USP15: variants seen among roughly 807,000 people sequenced by gnomAD.
USP15 encodes ubiquitin specific peptidase 15.
A neutral mutation model predicts 127.1 loss-of-function variants in USP15; 18 were observed. The observed-to-expected ratio is 0.14, with a 90% CI of 0.10 to 0.21. The LOEUF (loss-of-function observed/expected upper bound fraction) is 0.21, where lower values mean the gene tolerates loss of function less well. USP15 is among the 10% of genes least tolerant of loss of function. The probability of loss-of-function intolerance (pLI) is 1.00; values close to 1 mark genes in which losing one functional copy is unlikely to be tolerated. For synonymous variants in USP15, 364 were observed against 393.7 expected (o/e 0.92, Z 0.89); for missense variants, 805 against 1,159.9 (o/e 0.69, Z 4.44).
chr12:62,284,791 C>T (rs570040567), intron 1 of USP15, among the ~76,000 whole-genome samples: 48 of 152,032 alleles, frequency 3.2e-4, no homozygotes, highest in African/African-American at 9.6e-4. Context: ...AGCAGGCATA[C>T]TGTAGTCAGA....
Position 62,275,368 on chromosome 12 carries a change from TA to T in USP15, c.89+14873del, listed in dbSNP as rs544566049. Among the ~76,000 whole-genome samples the T allele has an allele frequency of 1.7e-3, 256 of 146,396 alleles. 1 individual carries two copies. The highest frequency in any genetic ancestry group is 6.2e-3 in the African/African-American group (248 of 39,764). On this transcript the variant is annotated intron_variant, in intron 1 of 21. Transcript: ENST00000280377. Reference sequence around the variant, plus strand: ...TACATTTAAGCAAAAGAGAAGGTTGTAAAAAAAATTGGGAGGAGTATCACCC... The same window carrying T: ...TACATTTAAGCAAAAGAGAAGGTTGTAAAAAAATTGGGAGGAGTATCACCC...
chr12:62,325,512 C>T (rs2065101075), intron 5 of USP15, among the ~76,000 whole-genome samples: 2 of 152,062 alleles, frequency 1.3e-5, no homozygotes, highest in Admixed American at 6.6e-5. Flanking sequence ...CTGTTATTTA[C>T]AGAGTTCTCT....
intron 9 of USP15, 71 bp from the exon 10 acceptor site, chr12:62,383,769 A>C: frequency 6.9e-7 from 1 of 1,441,552 alleles, no homozygotes; most frequent in Non-Finnish European, 9.3e-7. Context: ...AATAATGAGA[A>C]TCTATTGTAC....
intron 8 of USP15, among the ~76,000 whole-genome samples, chr12:62,361,226 CTAA>C (rs1191203828): frequency 6.6e-6 from 1 of 152,000 alleles, no homozygotes; most frequent in Non-Finnish European, 1.5e-5. Context: ...TGTAACTTGG[CTAA>C]TAATGATTTG....
intron 7 of USP15, 161 bp from the exon 8 acceptor site, chr12:62,355,166 GTTAT>G: frequency 1.7e-6 from 1 of 577,842 alleles, no homozygotes; most frequent in Non-Finnish European, 2.8e-6. Context: ...TTCAGGGTGA[GTTAT>G]TTTTTTGAGG....
chr12:62,349,277 C>A lies in USP15; in HGVS notation c.740C>A (p.Ser247Ter). The A allele has an allele frequency of 6.7e-7, 1 of 1,502,804 alleles. No homozygotes were observed. Among genetic ancestry groups the A allele is most frequent in the Non-Finnish European group, 8.9e-7 (1 of 1,129,806 alleles). 93.1% of individuals were successfully genotyped at this position (1,502,804 alleles called of 1,614,324 possible). The change falls in exon 7 of 22, where the codon TCA (serine) becomes TAA (stop). Residue 247 changes from serine (S) to a stop codon, truncating the protein, a stop_gained. Coordinates refer to ENST00000280377, the MANE Select transcript of USP15 (RefSeq NM_001252078.2). LOFTEE classifies it high-confidence loss of function. ...CCAAAGATCTCTCCTTCATCTCTATCAAATAATTATAACAACATGAACAAC... is the reference window on the plus strand; with the variant it reads ...CCAAAGATCTCTCCTTCATCTCTATAAAATAATTATAACAACATGAACAAC... ...TLPKISPSSLSNNYNNMNNRN... is the reference protein window; with the variant it reads ...TLPKISPSSL
At chr12:62,294,366 C>A in intron 2 of USP15, 60 bp downstream of exon 2, 1 of 1,555,126 alleles carries the variant, frequency 6.4e-7, no homozygotes, top group South Asian at 1.3e-5. Flanking sequence ...ATATAAATGT[C>A]AGTGGGTTGA....
At position 62,389,826 on chromosome 12, in the gene USP15, A is replaced by G. The variant is rs1017920197; in HGVS notation, c.1682A>G (p.Asp561Gly). The change falls in exon 14 of 22, where the codon GAT (aspartate) becomes GGT (glycine). Residue 561 changes from aspartate (D) to glycine (G), a missense_variant. Asp to Gly is a moderately conservative substitution (Grantham distance 94). Transcript: ENST00000280377. Reference protein sequence around the residue: ...VFEININRTEDTEHVIIPVCL... With the variant: ...VFEININRTEGTEHVIIPVCL... ...GAAATTAACATCAATAGGACAGAAG[A>G]TACAGAGCACGTGATTATTCCTGTT... 1.9e-6 allele frequency: 3 copies of G among 1,613,362 alleles called. No individual in the cohort carries two copies. The African/African-American group carries it at 4.0e-5, about 22-fold the overall frequency.
chr12:62,281,939 G>C (rs900882614), intron 1 of USP15, among the ~76,000 whole-genome samples: 2 of 152,198 alleles, frequency 1.3e-5, no homozygotes, highest in African/African-American at 2.4e-5. Context: ...TTTATCTGCA[G>C]AGTATAAGTT....
chr12:62,387,211 T>TG (rs1228003321), intron 11 of USP15, among the ~76,000 whole-genome samples: 3 of 152,168 alleles, frequency 2.0e-5, no homozygotes, highest in Non-Finnish European at 4.4e-5. Context: ...GCTTTAGCTA[T>TG]AAATTGGACA....
intron 2 of USP15, among the ~76,000 whole-genome samples, chr12:62,295,270 G>A (rs1327438680): frequency 3.3e-5 from 5 of 152,176 alleles, no homozygotes; most frequent in African/African-American, 1.2e-4. Context: ...ATTGGGAATC[G>A]TTTGTGTTCT....
chr12:62,335,807 TA>T (rs2065444151), intron 6 of USP15: 1 of 985,310 alleles, frequency 1.0e-6, no homozygotes, highest in Non-Finnish European at 1.2e-6. Flanking sequence ...GTCTTTCTTT[TA>T]ACCTAGTTTA....
chr12:62,384,867 T>G (rs903332629), intron 11 of USP15, among the ~76,000 whole-genome samples: 1 of 151,898 alleles, frequency 6.6e-6, no homozygotes, highest in Non-Finnish European at 1.5e-5. Context: ...TGGTAAGTCT[T>G]ACTGTCAAAT....
At position 62,294,386 on chromosome 12, in the gene USP15, A is replaced by G. The variant is rs577469009; in HGVS notation, c.217+80A>G. ...AATGTCAGTGGGTTGAATTTGGAAA[A>G]TGTTAGCGCAAATAAGTTGATAAAG... On this transcript the variant is annotated intron_variant, in intron 2 of 21. Coordinates refer to ENST00000280377, the MANE Select transcript of USP15 (RefSeq NM_001252078.2). The G allele has an allele frequency of 4.7e-6, 7 of 1,495,196 alleles. No individual in the cohort carries two copies. In the African/African-American group the frequency reaches 5.7e-5, roughly 12 times the overall value. 92.6% of individuals were successfully genotyped at this position (1,495,196 alleles called of 1,614,324 possible).
rs188675325 is a variant in USP15 at position 62,276,010 on chromosome 12, A to G, written c.89+15507A>G. Among the ~76,000 whole-genome samples the G allele has an allele frequency of 5.3e-3, 809 of 152,258 alleles. 4 individuals are homozygous for G. Among genetic ancestry groups the G allele is most frequent in the Non-Finnish European group, 9.5e-3 (644 of 68,008 alleles). ...TGAAAACCATAGGTCTTCAGTCTCTATATCATTTTCTTTAGTAACTATGAA... is the reference window on the plus strand; with the variant it reads ...TGAAAACCATAGGTCTTCAGTCTCTGTATCATTTTCTTTAGTAACTATGAA... On this transcript the variant is annotated intron_variant, in intron 1 of 21. Coordinates refer to ENST00000280377, the MANE Select transcript of USP15 (RefSeq NM_001252078.2).
At position 62,415,794 on chromosome 12, in the gene USP15, A is replaced by G. The variant is rs1006369115; in HGVS notation, c.*11419A>G. ...CCATTCACTTAAGCCATCCACTCCT[A>G]CCACTGTAATTGAATATTACCTACC... is the stretch of plus-strand genomic sequence containing the variant. On this transcript the variant is annotated 3_prime_UTR_variant, in exon 22 of 22. Transcript: ENST00000280377. 1 of 152,216 alleles carries G rather than the reference A, an allele frequency of 6.6e-6. No homozygotes were observed. Among genetic ancestry groups the G allele is most frequent in the African/African-American group, 2.4e-5 (1 of 41,460 alleles). The allele number at this position is 152,216 out of a possible 1,614,324, so 9.4% of individuals were successfully genotyped here.
chr12:62,339,114 T>C (rs1036946007), intron 6 of USP15, among the ~76,000 whole-genome samples: 1 of 152,076 alleles, frequency 6.6e-6, no homozygotes, highest in African/African-American at 2.4e-5. Context: ...ACGTCCATTG[T>C]AGGTGGTATT....
intron 2 of USP15, chr12:62,294,605 G>T: frequency 5.3e-6 from 1 of 187,586 alleles, no homozygotes. Flanking sequence ...ATTATTTAAT[G>T]ATTATTTATT....
intron 1 of USP15, among the ~76,000 whole-genome samples, chr12:62,271,871 T>G (rs2063352198): frequency 6.6e-6 from 1 of 151,906 alleles, no homozygotes; most frequent in Admixed American, 6.6e-5. Context: ...AAAAATTATT[T>G]ATTGCTAGGT....
Sources: allele counts gnomAD v4.1 joint callset (sites outside exome capture counted in the v4.1 genomes callset), GRCh38; gene constraint gnomAD v4.1.1; transcripts MANE v1.5; gene names NCBI Gene and HGNC (gene_info 2026-07-23, HGNC 2026-07-21).